YARS1: variants seen among roughly 807,000 people sequenced by gnomAD.
YARS1 encodes the protein tyrosine--tRNA ligase, cytoplasmic.
YARS1 carries 36 observed loss-of-function variants against 62.2 expected under a neutral mutation model. That is an observed-to-expected ratio of 0.58 (90% CI 0.44 to 0.76). The LOEUF (loss-of-function observed/expected upper bound fraction) is 0.76. YARS1 is among the 30% of genes least tolerant of loss of function. The pLI, the probability that YARS1 is intolerant of heterozygous loss-of-function variation, is 0.00. For synonymous variants in YARS1, 234 were observed against 244.9 expected, an observed-to-expected ratio of 0.96 and a Z score of 0.42; for missense variants, 524 against 639.8, an observed-to-expected ratio of 0.82 and a Z score of 1.95.
intron 6 of YARS1, among the ~76,000 whole-genome samples, chr1:32,787,421 G>T (rs1653266254): frequency 6.6e-6 from 1 of 151,602 alleles, no homozygotes; most frequent in Non-Finnish European, 1.5e-5. Flanking sequence ...GAGCCACTGT[G>T]CCTCGCTAAA....
chr1:32,798,861 T>G (rs946285558), intron 4 of YARS1, among the ~76,000 whole-genome samples: 1 of 152,046 alleles, frequency 6.6e-6, no homozygotes, highest in African/African-American at 2.4e-5. Context: ...AATAAAACAG[T>G]GACTGTCACT....
intron 8 of YARS1, 126 bp downstream of exon 8, chr1:32,786,236 G>T: frequency 1.0e-6 from 1 of 977,644 alleles, no homozygotes; most frequent in Non-Finnish European, 1.6e-6. Context: ...ATTACCAAAA[G>T]TAGAGCAAAA....
intron 4 of YARS1, among the ~76,000 whole-genome samples, chr1:32,802,822 T>C (rs1391198389): frequency 6.6e-6 from 1 of 152,128 alleles, no homozygotes; most frequent in Non-Finnish European, 1.5e-5. Flanking sequence ...CTTAGCATAA[T>C]TCTTTTTTGA....
At chr1:32,793,815 CA>C (rs893679348) in intron 5 of YARS1, among the ~76,000 whole-genome samples, 1 of 152,074 alleles carries the variant, frequency 6.6e-6, no homozygotes, top group African/African-American at 2.4e-5. Flanking sequence ...TTAAAAGTGC[CA>C]AAAGAAAAAT....
chr1:32,785,393 G>A (rs1410347242), intron 8 of YARS1, among the ~76,000 whole-genome samples: 2 of 150,960 alleles, frequency 1.3e-5, no homozygotes, highest in African/African-American at 2.4e-5. Flanking sequence ...CCTGGGAGGC[G>A]GAGGTTGCAG....
intron 4 of YARS1, among the ~76,000 whole-genome samples, chr1:32,802,273 T>C (rs1286678463): frequency 6.6e-6 from 1 of 152,186 alleles, no homozygotes; most frequent in Non-Finnish European, 1.5e-5. Flanking sequence ...CTACCCCATC[T>C]ACAGTGACTT....
intron 8 of YARS1, among the ~76,000 whole-genome samples, chr1:32,785,643 C>T (rs373067596): frequency 9.9e-5 from 15 of 151,456 alleles, no homozygotes; most frequent in Non-Finnish European, 1.8e-4. Context: ...AGTACAATGG[C>T]GCGATCTCGG....
At chr1:32,789,557 T>C (rs1178471661) in intron 6 of YARS1, among the ~76,000 whole-genome samples, 2 of 152,044 alleles carry the variant, frequency 1.3e-5, no homozygotes, top group Non-Finnish European at 2.9e-5. Flanking sequence ...CCAAACCTAA[T>C]GAATCAAAAT....
At chr1:32,804,339 C>T (rs1210936745) in intron 4 of YARS1, among the ~76,000 whole-genome samples, 1 of 148,540 alleles carries the variant, frequency 6.7e-6, no homozygotes, top group African/African-American at 2.5e-5. Context: ...CCCCAACCTC[C>T]CTCCCGGACG....
Position 32,810,656 on chromosome 1 carries a change from C to T in YARS1, c.315G>A (p.Leu105=). The change falls in exon 3 of 13, where the codon CTG becomes CTA. Residue 105 remains leucine, a synonymous_variant. Transcript: ENST00000373477. ...TCTCCAAGGGCACACCAATGCTCTC[C>T]AGCATTGCTTTGATCACATTCTCAT... ...SYYENVIKAM[L]ESIGVPLEKL... is the part of the protein sequence containing the mutation. 1.2e-6 allele frequency: 2 copies of T among 1,613,988 alleles called. No homozygotes were observed. The highest frequency in any genetic ancestry group is 1.7e-6 in the Non-Finnish European group (2 of 1,180,020).
rs1208006443 is a variant in YARS1, at chr1:32,775,926, T to A, written c.*55A>T. 2 of 1,460,164 alleles carry A rather than the reference T, an allele frequency of 1.4e-6. No individual in the cohort carries two copies. The highest frequency in any genetic ancestry group is 1.9e-6 in the Non-Finnish European group (2 of 1,041,352). The allele number at this position is 1,460,164 out of a possible 1,614,324, so 90.5% of individuals were successfully genotyped here. A position where few individuals can be genotyped will look rare whatever the true frequency, so the allele number is the denominator to read the frequency against. On this transcript the variant is annotated 3_prime_UTR_variant, in exon 13 of 13. Transcript: ENST00000373477. ...TAAATGGGTGATGGATGGAGCAGAC[T>A]GAAGAGACAGCAGATGACTCAGTGG...
chr1:32,782,575 T>C (rs769103003), intron 8 of YARS1, 36 bp from the exon 9 acceptor site: 60 of 1,613,840 alleles, frequency 3.7e-5, no homozygotes, highest in Non-Finnish European at 4.8e-5. Context: ...AGATAAAGTC[T>C]AGAACAGGGC....
intron 4 of YARS1, among the ~76,000 whole-genome samples, chr1:32,801,947 T>C (rs982664210): frequency 2.9e-5 from 4 of 137,234 alleles, no homozygotes; most frequent in Admixed American, 7.1e-5. Flanking sequence ...TATTTCTTTT[T>C]TTTTTTTTTT....
At chr1:32,815,848 G>A (rs965865678) in intron 1 of YARS1, among the ~76,000 whole-genome samples, 4 of 152,052 alleles carry the variant, frequency 2.6e-5, no homozygotes, top group South Asian at 2.1e-4. Context: ...CGTGGCTCAC[G>A]CCTGTAATCC....
intron 5 of YARS1, 115 bp from the exon 6 acceptor site, chr1:32,791,369 T>C: frequency 1.2e-6 from 1 of 839,700 alleles, no homozygotes; most frequent in East Asian, 2.5e-5. Context: ...TTCCAATCTT[T>C]TTATACTAAA....
At chr1:32,816,459 AG>A (rs1420135907) in intron 1 of YARS1, among the ~76,000 whole-genome samples, 2 of 152,236 alleles carry the variant, frequency 1.3e-5, no homozygotes, top group Non-Finnish European at 2.9e-5. Flanking sequence ...ATTTAAATAA[AG>A]TGGTCGGAAA....
chr1:32,797,699 T>C, intron 5 of YARS1, 64 bp downstream of exon 5: 1 of 1,387,288 alleles, frequency 7.2e-7, no homozygotes, highest in Non-Finnish European at 1.0e-6. Flanking sequence ...ACATCATAGT[T>C]CAATAAACAC....
chr1:32,799,499 G>A (rs552789191), intron 4 of YARS1, among the ~76,000 whole-genome samples: 1 of 152,314 alleles, frequency 6.6e-6, no homozygotes, highest in South Asian at 2.1e-4. Context: ...CAATGAGGAC[G>A]CAGAGCAAGA....
intron 5 of YARS1, among the ~76,000 whole-genome samples, chr1:32,795,228 A>T (rs1258905635): frequency 6.6e-6 from 1 of 151,590 alleles, no homozygotes; most frequent in African/African-American, 2.4e-5. Context: ...CTGAGGCAGG[A>T]GAATGGCGTG....
Sources: gnomAD v4.1 joint callset for allele counts (sites outside exome capture counted in the v4.1 genomes callset) on GRCh38, gnomAD v4.1.1 for gene constraint, MANE v1.5 for transcripts, NCBI Gene and HGNC (gene_info 2026-07-23, HGNC 2026-07-21) for gene names.